Variants in NPAS3 observed in about 807,000 individuals in gnomAD.
The protein encoded by NPAS3 is neuronal PAS domain protein 3, also known as neuronal PAS domain-containing protein 3.
Under a neutral mutation model 73.1 loss-of-function variants are expected in NPAS3, and 14 were observed. That is an observed-to-expected ratio of 0.19 (90% CI 0.13 to 0.30). NPAS3 has a LOEUF of 0.30. NPAS3 is among the 10% of genes least tolerant of loss of function. The pLI is 1.00. For missense variants in NPAS3, 1,096 were observed against 1,250.0 expected (o/e 0.88, Z 1.86); for synonymous variants, 620 against 541.5 (o/e 1.14, Z -2.01).
chr14:33,061,034 A>G (rs938327723), intron 2 of NPAS3, among the ~76,000 whole-genome samples: 6 of 152,206 alleles, frequency 3.9e-5, no homozygotes, highest in African/African-American at 1.4e-4. Flanking sequence ...GGAAGAGAAG[A>G]GGAGAATGAG....
intron 5 of NPAS3, among the ~76,000 whole-genome samples, chr14:33,593,285 T>C (rs189782215): frequency 1.3e-5 from 2 of 152,316 alleles, no homozygotes; most frequent in African/African-American, 4.8e-5. Context: ...CAAAGTCTCA[T>C]AGCTATTAAA....
intron 4 of NPAS3, among the ~76,000 whole-genome samples, chr14:33,526,156 G>T (rs1367395096): frequency 6.6e-6 from 1 of 152,088 alleles, no homozygotes; most frequent in Non-Finnish European, 1.5e-5. Context: ...TACCTGGAAT[G>T]CATTTCCTCA....
chr14:33,575,736 TA>T (rs781356400), intron 5 of NPAS3, among the ~76,000 whole-genome samples: 6 of 152,232 alleles, frequency 3.9e-5, no homozygotes, highest in Non-Finnish European at 7.3e-5. Flanking sequence ...TTTTTAACAG[TA>T]AATGATTATA....
intron 4 of NPAS3, among the ~76,000 whole-genome samples, chr14:33,517,388 C>A (rs2053352843): frequency 6.6e-6 from 1 of 152,066 alleles, no homozygotes. Context: ...CTACAGTTTA[C>A]AACATGGCTT....
At chr14:33,421,627 G>C (rs1393191364) in intron 4 of NPAS3, among the ~76,000 whole-genome samples, 2 of 151,714 alleles carry the variant, frequency 1.3e-5, no homozygotes, top group East Asian at 3.9e-4. Flanking sequence ...TTTGTTGCTA[G>C]AAATTTAAAG....
intron 6 of NPAS3, among the ~76,000 whole-genome samples, chr14:33,733,373 G>A (rs2061446669): frequency 6.6e-6 from 1 of 151,478 alleles, no homozygotes; most frequent in Non-Finnish European, 1.5e-5. Context: ...AGAAAAAATT[G>A]GTTCTAAGGG....
intron 2 of NPAS3, among the ~76,000 whole-genome samples, chr14:33,071,793 A>C (rs1706189374): frequency 6.6e-6 from 1 of 152,220 alleles, no homozygotes; most frequent in African/African-American, 2.4e-5. Flanking sequence ...TATTCTGGAA[A>C]ATTATTCAAA....
chr14:33,661,682 G>A (rs2059312612), intron 5 of NPAS3, among the ~76,000 whole-genome samples: 1 of 152,176 alleles, frequency 6.6e-6, no homozygotes, highest in African/African-American at 2.4e-5. Flanking sequence ...CTCTGTTCAT[G>A]AATTATAGTG....
chr14:33,588,791 A>G (rs1042229086), intron 5 of NPAS3, among the ~76,000 whole-genome samples: 2 of 152,024 alleles, frequency 1.3e-5, no homozygotes, highest in African/African-American at 4.8e-5. Flanking sequence ...ATTTTTTTGC[A>G]TTTTTAGTAG....
At chr14:33,246,217 G>A (rs2048368001) in intron 3 of NPAS3, among the ~76,000 whole-genome samples, 1 of 152,140 alleles carries the variant, frequency 6.6e-6, no homozygotes, top group South Asian at 2.1e-4. Flanking sequence ...CTGAGTGGGA[G>A]CAGCAGCCCA....
chr14:33,548,455 CA>C (rs549815862), intron 4 of NPAS3, among the ~76,000 whole-genome samples: 214 of 152,184 alleles, frequency 1.4e-3, no homozygotes, highest in African/African-American at 4.8e-3. Context: ...TCAATATGAC[CA>C]ACTCCAGATT....
intron 2 of NPAS3, among the ~76,000 whole-genome samples, chr14:33,201,609 G>A (rs892001839): frequency 2.0e-5 from 3 of 152,338 alleles, no homozygotes; most frequent in African/African-American, 7.2e-5. Flanking sequence ...TCCTGTGACA[G>A]GCAGGCAACA....
At chr14:33,361,607 G>A (rs1594769127) in intron 3 of NPAS3, among the ~76,000 whole-genome samples, 1 of 152,106 alleles carries the variant, frequency 6.6e-6, no homozygotes, top group Non-Finnish European at 1.5e-5. Flanking sequence ...CTTAAATGGT[G>A]GAAGATATTT....
chr14:33,252,819 G>C (rs2048638452), intron 3 of NPAS3, among the ~76,000 whole-genome samples: 1 of 151,684 alleles, frequency 6.6e-6, no homozygotes, highest in African/African-American at 2.4e-5. Flanking sequence ...GGAGTCCCCA[G>C]TCTGTATTAT....
At chr14:33,078,658 A>G (rs1427325869) in intron 2 of NPAS3, among the ~76,000 whole-genome samples, 2 of 152,206 alleles carry the variant, frequency 1.3e-5, no homozygotes, top group Non-Finnish European at 2.9e-5. Context: ...TTTTTCTCTT[A>G]GAATGAAATA....
At chr14:33,630,462 G>A (rs966967030) in intron 5 of NPAS3, among the ~76,000 whole-genome samples, 3 of 152,262 alleles carry the variant, frequency 2.0e-5, no homozygotes, top group Admixed American at 2.0e-4. Context: ...GCAACTAGTA[G>A]TAAATGAACT....
chr14:33,441,751 C>G (rs950584134), intron 4 of NPAS3, among the ~76,000 whole-genome samples: 1 of 152,174 alleles, frequency 6.6e-6, no homozygotes, highest in Admixed American at 6.5e-5. Context: ...TTTCACGTGG[C>G]TGGGGAGGCC....
chr14:33,206,537 G>T lies in NPAS3; in HGVS notation c.141-8645G>T, dbSNP rs144762135. 1.7e-3 allele frequency among the ~76,000 whole-genome samples: 256 copies of T among 152,246 alleles called. 2 individuals carry two copies. Among genetic ancestry groups the T allele is most frequent in the African/African-American group, 5.8e-3 (239 of 41,546 alleles). On this transcript the variant is annotated intron_variant, in intron 2 of 11. Coordinates refer to ENST00000356141, the Ensembl canonical transcript of NPAS3. The stretch of plus-strand genomic sequence containing the variant: ...GTGGCTGAAAACAATGCTGTTTTTA[G>T]CATCAGTCATATCTAGTGTAGGCTA...
At chr14:33,207,234 TACACACACACACAC>T (rs760045327) in intron 2 of NPAS3, among the ~76,000 whole-genome samples, 5 of 88,326 alleles carry the variant, frequency 5.7e-5, no homozygotes, top group African/African-American at 2.0e-4. Flanking sequence ...CAAAGAACAT[TACACACACACACAC>T]ACACACACAC....
Sources: allele counts gnomAD v4.1 joint callset (sites outside exome capture counted in the v4.1 genomes callset), GRCh38; gene constraint gnomAD v4.1.1; transcripts MANE v1.5; gene names NCBI Gene and HGNC (gene_info 2026-07-23, HGNC 2026-07-21).